The following CEP152 variants were observed in gnomAD, a reference collection of about 807,000 sequenced individuals.
The protein encoded by CEP152 is centrosomal protein 152, also known as centrosomal protein of 152 kDa.
A neutral mutation model predicts 188.9 loss-of-function variants in CEP152; 132 were observed. The ratio of observed to expected loss-of-function variants is 0.70; its 90% CI spans 0.61 to 0.81. The LOEUF (loss-of-function observed/expected upper bound fraction) is 0.81. Among genes scored for constraint, CEP152 ranks in the 30% least tolerant of loss-of-function variants. The pLI is 0.00. For synonymous variants in CEP152, 649 were observed against 666.6 expected (o/e 0.97, Z 0.41); for missense variants, 1,914 against 1,969.8 (o/e 0.97, Z 0.54).
chr15:48,808,627 A>G (rs1214541353), intron 1 of CEP152, among the ~76,000 whole-genome samples: 2 of 152,174 alleles, frequency 1.3e-5, no homozygotes, highest in African/African-American at 2.4e-5. Context: ...TTCAACCACT[A>G]GATTGAAAAA....
chr15:48,733,219 A>G (rs1338530936), downstream of CEP152, among the ~76,000 whole-genome samples: 1 of 152,176 alleles, frequency 6.6e-6, no homozygotes, highest in Non-Finnish European at 1.5e-5. Context: ...CAGGTTCCCA[A>G]TATAAAGAAG....
intron 26 of CEP152, chr15:48,741,063 T>C (rs1474787478): frequency 2.0e-6 from 2 of 990,560 alleles, no homozygotes; most frequent in Non-Finnish European, 2.4e-6. Context: ...GAGGTTTCCA[T>C]CTTCCATCCT....
At position 48,782,189 on chromosome 15, in the gene CEP152, G is replaced by C. The variant is rs1476123736; in HGVS notation, c.1363C>G (p.Gln455Glu). 6.2e-7 allele frequency: 1 copy of C among 1,613,940 alleles called. No individual in the cohort carries two copies. Among genetic ancestry groups the C allele is most frequent in the Non-Finnish European group, 8.5e-7 (1 of 1,179,878 alleles). The stretch of plus-strand genomic sequence containing the variant: ...CTCATAGCATGTGCCTTCTGTGCTT[G>C]CTGCAGCTGGAACTGTAGCTGAGCC... ...EVAQLQFQLQ[Q>E]AQKAHAMSAN... is the part of the protein sequence containing the mutation. Residue 455 changes from glutamine (Q) to glutamate (E), a missense_variant, in exon 11 of 27, where the codon CAA (glutamine) becomes GAA (glutamate). Physicochemically the swap from Gln to Glu is conservative, Grantham distance 29. Coordinates refer to ENST00000380950, the MANE Select transcript of CEP152 (RefSeq NM_001194998.2).
chr15:48,789,267 G>A, intron 8 of CEP152: 1 of 498,022 alleles, frequency 2.0e-6, no homozygotes, highest in South Asian at 2.1e-5. Flanking sequence ...ATTTTGCGCA[G>A]CATGATGGAT....
intron 2 of CEP152, among the ~76,000 whole-genome samples, chr15:48,804,517 G>C (rs1897861267): frequency 6.6e-6 from 1 of 152,118 alleles, no homozygotes; most frequent in Admixed American, 6.5e-5. Flanking sequence ...TTTTATCACA[G>C]ACAATCAAGA....
chr15:48,741,031 C>T lies in CEP152; in HGVS notation c.4093+570G>A, dbSNP rs561235218. The T allele has an allele frequency of 3.0e-6, 3 of 989,514 alleles. No homozygotes were observed. The African/African-American group carries it at 5.3e-5, about 17-fold the overall frequency. The allele number at this position is 989,514 out of a possible 1,614,324, so 61.3% of individuals were successfully genotyped here. On this transcript the variant is annotated intron_variant, in intron 26 of 26. Transcript: ENST00000380950. The stretch of plus-strand genomic sequence containing the variant: ...TGATATTGCTCCTAATTGCAATAGT[C>T]ATCTCCCGGTGGTTTTGAACTGAGG...
intron 24 of CEP152, 144 bp from the exon 25 acceptor site, chr15:48,742,244 A>C: frequency 2.5e-6 from 2 of 792,718 alleles, no homozygotes; most frequent in Non-Finnish European, 4.3e-6. Flanking sequence ...ACAGTCATTA[A>C]AATGGAATAT....
intron 20 of CEP152, among the ~76,000 whole-genome samples, chr15:48,754,431 G>A (rs909094403): frequency 4.6e-5 from 7 of 152,006 alleles, no homozygotes; most frequent in African/African-American, 1.7e-4. Context: ...ACAAACGAAA[G>A]CATGTAAACA....
At chr15:48,800,049 G>A (rs1246458101) in intron 2 of CEP152, among the ~76,000 whole-genome samples, 3 of 152,108 alleles carry the variant, frequency 2.0e-5, no homozygotes, top group African/African-American at 4.8e-5. Context: ...CATCTGAAGA[G>A]TACATTGTTT....
At chr15:48,804,622 A>G (rs975363071) in intron 2 of CEP152, among the ~76,000 whole-genome samples, 2 of 152,228 alleles carry the variant, frequency 1.3e-5, no homozygotes, top group Non-Finnish European at 2.9e-5. Flanking sequence ...CATTTACTGA[A>G]CATTTGCTAT....
intron 21 of CEP152, among the ~76,000 whole-genome samples, chr15:48,751,105 G>T (rs775945522): frequency 6.6e-6 from 1 of 152,026 alleles, no homozygotes; most frequent in African/African-American, 2.4e-5. Flanking sequence ...CTGGTGGTAG[G>T]ATTTTAAAGG....
rs60006265 is a variant in CEP152, at chr15:48,788,148, A to C, written c.1173+653T>G. 3.9e-3 allele frequency among the ~76,000 whole-genome samples: 597 copies of C among 152,352 alleles called. 9 individuals carry two copies. Among genetic ancestry groups the C allele is most frequent in the East Asian group, 0.029 (151 of 5,186 alleles). ...TCTCAAGTTCTAGCCAGCCGCTGGC[A>C]GACTCATTTGTTTTGGTCTGGATTT... On this transcript the variant is annotated intron_variant, in intron 9 of 26. Transcript: ENST00000380950.
At chr15:48,805,768 G>A in intron 1 of CEP152, 112 bp from the exon 2 acceptor site, 1 of 1,398,744 alleles carries the variant, frequency 7.1e-7, no homozygotes, top group Non-Finnish European at 9.9e-7. Flanking sequence ...AACAGACTGG[G>A]AGAAAATATG....
intron 1 of CEP152, 109 bp from the exon 2 acceptor site, chr15:48,805,765 T>G (rs911417156): frequency 1.4e-6 from 2 of 1,442,346 alleles, no homozygotes; most frequent in Middle Eastern, 1.8e-4. Context: ...AGAAACAGAC[T>G]GGGAGAAAAT....
At chr15:48,790,837 G>T (rs1170136862) in intron 8 of CEP152, among the ~76,000 whole-genome samples, 1 of 152,130 alleles carries the variant, frequency 6.6e-6, no homozygotes, top group Non-Finnish European at 1.5e-5. Flanking sequence ...CAAAGTGCTG[G>T]GATTACAGGC....
At chr15:48,781,385 A>G (rs775360625) in intron 11 of CEP152, 26 bp from the exon 12 acceptor site, 2 of 1,553,216 alleles carry the variant, frequency 1.3e-6, no homozygotes, top group East Asian at 2.3e-5. Flanking sequence ...ATTAAAAATA[A>G]TTTTCACTAT....
chr15:48,765,361 A>AT (rs1160648809), intron 17 of CEP152, among the ~76,000 whole-genome samples: 5 of 151,774 alleles, frequency 3.3e-5, no homozygotes, highest in South Asian at 4.2e-4. Flanking sequence ...AACAATTAAA[A>AT]TTTTTTTTTA....
Position 48,768,292 on chromosome 15 carries a change from T to A in CEP152, c.1945A>T (p.Asn649Tyr). 6.2e-7 allele frequency: 1 copy of A among 1,610,580 alleles called. No individual in the cohort carries two copies. Among genetic ancestry groups the A allele is most frequent in the Non-Finnish European group, 8.5e-7 (1 of 1,176,778 alleles). ...KETEGKLRNTNQDLCNQMRQM... is the reference protein window; with the variant it reads ...KETEGKLRNTYQDLCNQMRQM... ...CTCATTTGATTACATAAGTCTTGAT[T>A]TGTATTTCTCAGTTTTCCTTCAGTT... The change falls in exon 15 of 27, where the codon AAT becomes TAT. Residue 649 changes from asparagine to tyrosine, a missense_variant. Asn to Tyr is a moderately radical substitution (Grantham distance 143). Coordinates refer to ENST00000380950, the MANE Select transcript of CEP152 (RefSeq NM_001194998.2).
intron 20 of CEP152, among the ~76,000 whole-genome samples, chr15:48,753,867 C>T (rs1894070879): frequency 6.6e-6 from 1 of 152,158 alleles, no homozygotes; most frequent in Non-Finnish European, 1.5e-5. Flanking sequence ...ATTGCATCCT[C>T]TCCATTTAAA....
Sources: gnomAD v4.1 joint callset for allele counts (sites outside exome capture counted in the v4.1 genomes callset) on GRCh38, gnomAD v4.1.1 for gene constraint, MANE v1.5 for transcripts, NCBI Gene and HGNC (gene_info 2026-07-23, HGNC 2026-07-21) for gene names.